PRKN: variants seen among roughly 807,000 people sequenced by gnomAD.
The protein encoded by PRKN is parkin RBR E3 ubiquitin protein ligase, also known as E3 ubiquitin-protein ligase parkin.
Under a neutral mutation model 59.5 loss-of-function variants are expected in PRKN, and 56 were observed. The ratio of observed to expected loss-of-function variants is 0.94; its 90% CI spans 0.76 to 1.18. The LOEUF (loss-of-function observed/expected upper bound fraction) is 1.18. Among genes scored for constraint, PRKN ranks in the 50% most tolerant of loss-of-function variants. The pLI, the probability that PRKN is intolerant of heterozygous loss-of-function variation, is 0.00. For missense variants in PRKN, 657 were observed against 596.4 expected, an observed-to-expected ratio of 1.10 and a Z score of -1.06; for synonymous variants, 250 against 222.1, an observed-to-expected ratio of 1.13 and a Z score of -1.12.
chr6:161,792,475 T>A (rs955160998), intron 6 of PRKN, among the ~76,000 whole-genome samples: 1 of 152,170 alleles, frequency 6.6e-6, no homozygotes, highest in South Asian at 2.1e-4. Flanking sequence ...GGTTTCTTCA[T>A]TCTCCCCAGT....
intron 5 of PRKN, among the ~76,000 whole-genome samples, chr6:161,977,533 G>GTTT (rs1483084517): frequency 1.2e-5 from 1 of 80,676 alleles, no homozygotes; most frequent in Non-Finnish European, 2.5e-5. Flanking sequence ...TCTACTTTCT[G>GTTT]TTTTTTTGGT....
intron 7 of PRKN, among the ~76,000 whole-genome samples, chr6:161,665,363 T>C (rs1396746780): frequency 6.6e-6 from 1 of 152,304 alleles, no homozygotes. Context: ...ACTCAACCTA[T>C]GAAGATCTTA....
chr6:162,558,967 G>A lies in PRKN; in HGVS notation c.8-115494C>T, dbSNP rs190728288. The stretch of plus-strand genomic sequence containing the variant: ...ACTTTTCTACTTTAAAAAGGCAATT[G>A]GTGAAACCTCTTCTCTACTAAAAAA... On this transcript the variant is annotated intron_variant, in intron 1 of 11. Transcript: ENST00000366898. Among the ~76,000 whole-genome samples, 13 of 152,108 alleles carry A rather than the reference G, an allele frequency of 8.5e-5. No individual in the cohort carries two copies. In the East Asian group the frequency reaches 2.3e-3, roughly 27 times the overall value.
At chr6:162,521,228 T>C (rs894174437) in intron 1 of PRKN, among the ~76,000 whole-genome samples, 3 of 152,306 alleles carry the variant, frequency 2.0e-5, no homozygotes, top group East Asian at 1.9e-4. Flanking sequence ...AAATACATCA[T>C]TAAACTCATC....
intron 2 of PRKN, among the ~76,000 whole-genome samples, chr6:162,322,934 A>G (rs531821741): frequency 6.6e-6 from 1 of 152,030 alleles, no homozygotes; most frequent in South Asian, 2.1e-4. Context: ...ACATGGATGA[A>G]ATTGGAAATC....
At chr6:162,157,885 C>A (rs1782583164) in intron 4 of PRKN, among the ~76,000 whole-genome samples, 1 of 151,842 alleles carries the variant, frequency 6.6e-6, no homozygotes. Context: ...AACAGCTTGT[C>A]TTCCATAATA....
intron 2 of PRKN, among the ~76,000 whole-genome samples, chr6:162,400,696 G>C (rs1686166256): frequency 6.6e-6 from 1 of 152,094 alleles, no homozygotes. Flanking sequence ...TTTAAAATGG[G>C]AGGTGAACCA....
chr6:161,656,095 G>A (rs561538240), intron 7 of PRKN, among the ~76,000 whole-genome samples: 120 of 152,270 alleles, frequency 7.9e-4, no homozygotes, highest in African/African-American at 2.7e-3. Context: ...TGGCAGCTCG[G>A]GTAACTTTGG....
intron 1 of PRKN, among the ~76,000 whole-genome samples, chr6:162,637,242 GCAAGACTCCGTCTGC>G (rs1358280464): frequency 6.6e-6 from 1 of 151,130 alleles, no homozygotes; most frequent in East Asian, 2.0e-4. Context: ...TGGTGACAGT[GCAAGACTCCGTCTGC>G]CACCTCCTCC....
intron 7 of PRKN, among the ~76,000 whole-genome samples, chr6:161,663,271 AG>A (rs1345652976): frequency 6.6e-6 from 1 of 152,174 alleles, no homozygotes; most frequent in Non-Finnish European, 1.5e-5. Flanking sequence ...CAAGTGCAGC[AG>A]CCTCTGGGGA....
chr6:162,452,383 A>G (rs989891383), intron 1 of PRKN, among the ~76,000 whole-genome samples: 1 of 151,576 alleles, frequency 6.6e-6, no homozygotes, highest in African/African-American at 2.4e-5. Flanking sequence ...AACATAATTT[A>G]TTTAATGCAG....
intron 1 of PRKN, among the ~76,000 whole-genome samples, chr6:162,633,525 A>C (rs1387000226): frequency 6.6e-6 from 1 of 151,670 alleles, no homozygotes; most frequent in Admixed American, 6.6e-5. Flanking sequence ...AGAGAAATTC[A>C]ATTATGTATA....
chr6:162,412,780 A>G (rs1788413167), intron 2 of PRKN, among the ~76,000 whole-genome samples: 1 of 152,206 alleles, frequency 6.6e-6, no homozygotes, highest in Non-Finnish European at 1.5e-5. Flanking sequence ...CTGTAAGCTT[A>G]TAACTGGGTA....
chr6:162,502,045 C>T (rs1200656016), intron 1 of PRKN, among the ~76,000 whole-genome samples: 1 of 152,058 alleles, frequency 6.6e-6, no homozygotes, highest in African/African-American at 2.4e-5. Context: ...GCAAAATGCA[C>T]CATTTTGTTT....
In PRKN at chr6:161,458,910, C is replaced by G. The variant is rs1355030366; in HGVS notation, c.1084-72033G>C. Among the ~76,000 whole-genome samples the G allele has an allele frequency of 7.3e-6, 1 of 136,264 alleles. No individual in the cohort carries two copies. Among genetic ancestry groups the G allele is most frequent in the African/African-American group, 3.3e-5 (1 of 30,716 alleles). 89.4% of individuals were successfully genotyped at this position (136,264 alleles called of 152,430 possible). A position where few individuals can be genotyped will look rare whatever the true frequency, so the allele number is the denominator to read the frequency against. On this transcript the variant is annotated intron_variant, in intron 9 of 11. Transcript: ENST00000366898. The surrounding 1 kb of genome is among the most constrained non-coding windows in gnomAD (Gnocchi z 6.1). Reference sequence around the variant, plus strand: ...CCTTATAATTACCAGAAGCCATTTTCATGTTTTTTTTTTTCTTTTTAAAGT... The same window carrying G: ...CCTTATAATTACCAGAAGCCATTTTGATGTTTTTTTTTTTCTTTTTAAAGT...
intron 5 of PRKN, among the ~76,000 whole-genome samples, chr6:162,012,959 T>C (rs1470075665): frequency 6.6e-6 from 1 of 152,150 alleles, no homozygotes; most frequent in Non-Finnish European, 1.5e-5. Context: ...GATTTTTATT[T>C]TTATGTTGAA....
chr6:162,285,244 G>T (rs1237822347), intron 2 of PRKN, among the ~76,000 whole-genome samples: 1 of 149,084 alleles, frequency 6.7e-6, no homozygotes, highest in East Asian at 2.0e-4. Context: ...ATGTATCAGG[G>T]ATCTTCACAG....
chr6:161,859,990 T>C (rs192347947), intron 6 of PRKN, among the ~76,000 whole-genome samples: 1 of 152,326 alleles, frequency 6.6e-6, no homozygotes, highest in African/African-American at 2.4e-5. Context: ...ACTAGTCTCG[T>C]GATAACAGTC....
chr6:162,275,074 C>T (rs1349869531), intron 2 of PRKN: 1 of 107,586 alleles, frequency 9.3e-6, no homozygotes, highest in Non-Finnish European at 1.7e-5. Context: ...GAGCAAGACT[C>T]TGTCTCAAAA....
Sources: gnomAD v4.1 joint callset for allele counts (sites outside exome capture counted in the v4.1 genomes callset) on GRCh38, gnomAD v4.1.1 for gene constraint, Gnocchi (gnomAD v3.1) non-coding constraint, MANE v1.5 for transcripts, NCBI Gene and HGNC (gene_info 2026-07-23, HGNC 2026-07-21) for gene names.